The following GRIA4 variants were observed in gnomAD, a reference collection of about 807,000 sequenced individuals.
The protein encoded by GRIA4 is glutamate ionotropic receptor AMPA type subunit 4.
Under a neutral mutation model 104.0 loss-of-function variants are expected in GRIA4, and 34 were observed. The ratio of observed to expected loss-of-function variants is 0.33; its 90% CI spans 0.25 to 0.44. GRIA4 has a LOEUF of 0.44. GRIA4 is among the 20% of genes least tolerant of loss of function. GRIA4 has a pLI of 1.00. For synonymous variants in GRIA4, 386 were observed against 381.9 expected, an observed-to-expected ratio of 1.01 and a Z score of -0.13; for missense variants, 750 against 1,096.5, an observed-to-expected ratio of 0.68 and a Z score of 4.46.
intron 3 of GRIA4, among the ~76,000 whole-genome samples, chr11:105,697,957 C>T (rs1451959704): frequency 1.3e-5 from 2 of 152,100 alleles, no homozygotes; most frequent in Non-Finnish European, 1.5e-5. Flanking sequence ...CCTTTAAGTG[C>T]CTTTTCTTAT....
At chr11:105,969,121 T>A (rs588638) in intron 14 of GRIA4, among the ~76,000 whole-genome samples, 86,670 of 152,010 alleles carry the variant, frequency 0.57, 24,725 homozygotes, top group Middle Eastern at 0.63. Context: ...TTATATTTGG[T>A]CGTGCACTTC....
At chr11:105,764,121 T>C (rs1251087151) in intron 4 of GRIA4, among the ~76,000 whole-genome samples, 1 of 151,938 alleles carries the variant, frequency 6.6e-6, no homozygotes, top group Non-Finnish European at 1.5e-5. Flanking sequence ...TAATTTAATG[T>C]TTTGTTTTGT....
chr11:105,721,778 C>T (rs1353711154), intron 3 of GRIA4, among the ~76,000 whole-genome samples: 4 of 152,108 alleles, frequency 2.6e-5, no homozygotes, highest in Non-Finnish European at 5.9e-5. Flanking sequence ...AAATCTCATC[C>T]TCCCAGTCAT....
At chr11:105,709,964 CA>C (rs1953851922) in intron 3 of GRIA4, among the ~76,000 whole-genome samples, 1 of 152,078 alleles carries the variant, frequency 6.6e-6, no homozygotes, top group South Asian at 2.1e-4. Context: ...CTTGTATTAA[CA>C]ACAGGATAAA....
Position 105,910,515 on chromosome 11 carries a change from G to C in GRIA4, c.1239G>C (p.Glu413Asp). The C allele has an allele frequency of 6.3e-7, 1 of 1,577,384 alleles. No homozygotes were observed. Among genetic ancestry groups the C allele is most frequent in the Non-Finnish European group, 8.7e-7 (1 of 1,146,598 alleles). The change falls in exon 10 of 17, where the codon GAG becomes GAC. Residue 413 changes from glutamate to aspartate, a missense_variant. Coordinates refer to ENST00000282499, the MANE Select transcript of GRIA4 (RefSeq NM_000829.4). ...TTGGCAATGACACAGCTGCTATTGA[G>C]AACAGAACAGTGGTTGTAACCACAA... ...PTLGNDTAAIENRTVVVTTIM... is the reference protein window; with the variant it reads ...PTLGNDTAAIDNRTVVVTTIM...
intron 4 of GRIA4, among the ~76,000 whole-genome samples, chr11:105,779,202 T>C (rs1202492313): frequency 6.6e-6 from 1 of 152,026 alleles, no homozygotes; most frequent in African/African-American, 2.4e-5. Flanking sequence ...ACATTTGGGT[T>C]GGTTCCAAGT....
chr11:105,899,525 C>T (rs142446272), intron 7 of GRIA4, among the ~76,000 whole-genome samples: 1 of 152,274 alleles, frequency 6.6e-6, no homozygotes, highest in East Asian at 1.9e-4. Flanking sequence ...GTTATATAAT[C>T]CTCTCATCCT....
At chr11:105,671,409 G>A (rs1204368111) in intron 3 of GRIA4, among the ~76,000 whole-genome samples, 3 of 151,952 alleles carry the variant, frequency 2.0e-5, no homozygotes, top group African/African-American at 7.2e-5. Context: ...GGGTGTGGTG[G>A]CTCACACCTG....
At chr11:105,616,200 T>A (rs1243329390) in intron 3 of GRIA4, among the ~76,000 whole-genome samples, 1 of 151,786 alleles carries the variant, frequency 6.6e-6, no homozygotes, top group African/African-American at 2.4e-5. Context: ...GTGATTTTTT[T>A]ATCTTGTTCT....
intron 5 of GRIA4, among the ~76,000 whole-genome samples, chr11:105,866,545 GTGTGTGTATATATA>G (rs1366658720): frequency 1.4e-4 from 10 of 71,216 alleles, no homozygotes; most frequent in African/African-American, 4.3e-4. Context: ...ATGTGTGTGT[GTGTGTGTATATATA>G]TATATATATA....
At chr11:105,801,022 A>G (rs1163769688) in intron 4 of GRIA4, among the ~76,000 whole-genome samples, 2 of 152,036 alleles carry the variant, frequency 1.3e-5, no homozygotes, top group South Asian at 2.1e-4. Context: ...CATAAATCTA[A>G]CTTTCCTAGT....
intron 4 of GRIA4, among the ~76,000 whole-genome samples, chr11:105,798,374 C>T (rs1411936842): frequency 6.6e-6 from 1 of 151,996 alleles, no homozygotes; most frequent in African/African-American, 2.4e-5. Context: ...AATGCTGATA[C>T]CCTGAGTGAG....
chr11:105,866,567 A>ATATG lies in GRIA4; in HGVS notation c.672+4362_672+4363insGTAT, dbSNP rs1555031872. Among the ~76,000 whole-genome samples the ATATG allele has an allele frequency of 5.4e-3, 620 of 114,826 alleles. 3 individuals are homozygous for ATATG. The highest frequency in any genetic ancestry group is 9.4e-3 in the Non-Finnish European group (475 of 50,604). The allele number at this position is 114,826 out of a possible 152,430, so 75.3% of individuals were successfully genotyped here. On this transcript the variant is annotated intron_variant, in intron 5 of 16. Coordinates refer to ENST00000282499, the MANE Select transcript of GRIA4 (RefSeq NM_000829.4). ...TGTGTGTGTGTATATATATATATAT[A>ATATG]TATATATATATATATATTCAGGTAC...
intron 2 of GRIA4, among the ~76,000 whole-genome samples, 166 bp downstream of exon 2, chr11:105,611,251 G>C (rs1228440718): frequency 6.6e-6 from 1 of 151,842 alleles, no homozygotes; most frequent in East Asian, 1.9e-4. Flanking sequence ...TTCCTCTTTA[G>C]TGCAGGTTCC....
At chr11:105,810,308 T>G (rs1321177829) in intron 4 of GRIA4, among the ~76,000 whole-genome samples, 3 of 152,222 alleles carry the variant, frequency 2.0e-5, no homozygotes, top group African/African-American at 7.2e-5. Context: ...CTCTGGGAGA[T>G]AGCTTGCCAG....
At chr11:105,640,906 A>G (rs1951341190) in intron 3 of GRIA4, among the ~76,000 whole-genome samples, 1 of 151,862 alleles carries the variant, frequency 6.6e-6, no homozygotes, top group African/African-American at 2.4e-5. Context: ...TTGGTTTTCT[A>G]TTCCTTTAAC....
At chr11:105,744,154 C>A (rs747592078) in intron 3 of GRIA4, among the ~76,000 whole-genome samples, 35 of 152,176 alleles carry the variant, frequency 2.3e-4, no homozygotes, top group Admixed American at 9.2e-4. Context: ...TATTCACCAT[C>A]TTGGATTATC....
At chr11:105,660,280 C>T (rs1565443120) in intron 3 of GRIA4, among the ~76,000 whole-genome samples, 1 of 151,542 alleles carries the variant, frequency 6.6e-6, no homozygotes, top group Non-Finnish European at 1.5e-5. Context: ...GGATAAAGAG[C>T]AGGTGCTAAA....
At chr11:105,647,725 T>C (rs1229598055) in intron 3 of GRIA4, among the ~76,000 whole-genome samples, 1 of 152,166 alleles carries the variant, frequency 6.6e-6, no homozygotes, top group Non-Finnish European at 1.5e-5. Context: ...CTCTCACTTA[T>C]AAGCGGGAGC....
Sources: gnomAD v4.1 joint callset for allele counts (sites outside exome capture counted in the v4.1 genomes callset) on GRCh38, gnomAD v4.1.1 for gene constraint, MANE v1.5 for transcripts, NCBI Gene and HGNC (gene_info 2026-07-23, HGNC 2026-07-21) for gene names.